The following CPXM2 variants were observed in gnomAD, a reference collection of about 807,000 sequenced individuals.
CPXM2 encodes the protein carboxypeptidase X, M14 family member 2, also known as inactive carboxypeptidase-like protein X2.
Under a neutral mutation model 86.1 loss-of-function variants are expected in CPXM2, and 66 were observed. That is an observed-to-expected ratio of 0.77 (90% confidence interval 0.63 to 0.94). CPXM2 has a LOEUF of 0.94. CPXM2 is among the 40% of genes least tolerant of loss of function. The pLI, the probability that CPXM2 is intolerant of heterozygous loss-of-function variation, is 0.00. For missense variants in CPXM2, 948 were observed against 1,026.3 expected, an observed-to-expected ratio of 0.92 and a Z score of 1.04; for synonymous variants, 388 against 400.2, an observed-to-expected ratio of 0.97 and a Z score of 0.36.
At chr10:123,751,001 T>C (rs1846061503) in intron 13 of CPXM2, 1 of 985,466 alleles carries the variant, frequency 1.0e-6, no homozygotes, top group Non-Finnish European at 1.2e-6. Flanking sequence ...CTCAGGTCTG[T>C]GTTCAGGGTG....
At chr10:123,904,112 GTTAT>G (rs1409726419) in intron 2 of CPXM2, among the ~76,000 whole-genome samples, 2 of 152,174 alleles carry the variant, frequency 1.3e-5, no homozygotes, top group African/African-American at 2.4e-5. Flanking sequence ...AACCTTCCCA[GTTAT>G]TTATTACATA....
rs72827467 is a variant in CPXM2 at position 123,848,150 on chromosome 10, G to T, written c.514-5662C>A. 8.7e-3 allele frequency among the ~76,000 whole-genome samples: 1,324 copies of T among 152,258 alleles called. 12 individuals carry two copies. The highest frequency in any genetic ancestry group is 0.044 in the Middle Eastern group (13 of 294). On this transcript the variant is annotated intron_variant, in intron 3 of 13. Transcript: ENST00000241305. ...CAAGTTAATGCCTTTTCAGGGGGAGGTTATCTAAAAAACGTTAGCTGTGAC... is the reference window on the plus strand; with the variant it reads ...CAAGTTAATGCCTTTTCAGGGGGAGTTTATCTAAAAAACGTTAGCTGTGAC...
chr10:123,768,451 C>G (rs1846543682), intron 9 of CPXM2, 75 bp downstream of exon 9: 1 of 1,183,880 alleles, frequency 8.4e-7, no homozygotes, highest in Admixed American at 2.3e-5. Flanking sequence ...TTGCATAGCC[C>G]TAGGGCCAGA....
chr10:123,747,034 C>T lies in CPXM2; in HGVS notation c.2018-17G>A. On this transcript the variant is annotated splice_polypyrimidine_tract_variant and intron_variant, in intron 13 of 13. Transcript: ENST00000241305. ...CATCGTTGGCTGTGAAAAAGAAAAC[C>T]AGGGGAGACTCAGAGCAGCTCTTGC... 6.2e-7 allele frequency: 1 copy of T among 1,612,850 alleles called. No homozygotes were observed. Among genetic ancestry groups the T allele is most frequent in the Non-Finnish European group, 8.5e-7 (1 of 1,179,336 alleles).
At chr10:123,883,809 T>A (rs1228601014) in intron 1 of CPXM2, among the ~76,000 whole-genome samples, 1 of 152,108 alleles carries the variant, frequency 6.6e-6, no homozygotes, top group Non-Finnish European at 1.5e-5. Context: ...AGGCCCCCCC[T>A]TCATAGCCCC....
chr10:123,790,447 G>C (rs1046666464), intron 6 of CPXM2, among the ~76,000 whole-genome samples: 2 of 152,210 alleles, frequency 1.3e-5, no homozygotes, highest in Non-Finnish European at 2.9e-5. Flanking sequence ...TCGTGGAAAA[G>C]GTTGTTTACC....
At position 123,757,363 on chromosome 10, in the gene CPXM2, A is replaced by T. The variant is rs773069382; in HGVS notation, c.1778-11T>A. On this transcript the variant is annotated splice_polypyrimidine_tract_variant and intron_variant, in intron 11 of 13. Coordinates refer to ENST00000241305, the MANE Select transcript of CPXM2 (RefSeq NM_198148.3). ...TGAAATCGTTCAGACCTGCCAAGCC[A>T]ACCGGACAACACTTTAACTGAACAA... The T allele has an allele frequency of 4.3e-6, 7 of 1,610,904 alleles. No homozygotes were observed. The highest frequency in any genetic ancestry group is 5.9e-6 in the Non-Finnish European group (7 of 1,177,418).
At chr10:123,796,722 T>C (rs1847342801) in intron 6 of CPXM2, among the ~76,000 whole-genome samples, 1 of 152,220 alleles carries the variant, frequency 6.6e-6, no homozygotes. Context: ...TCAGAGCTGG[T>C]ACCCTGCCCC....
chr10:123,801,200 T>C (rs1433235698), intron 4 of CPXM2, among the ~76,000 whole-genome samples: 1 of 152,212 alleles, frequency 6.6e-6, no homozygotes, highest in East Asian at 1.9e-4. Context: ...GGGCAGGTTC[T>C]TCCCATCTCA....
intron 4 of CPXM2, among the ~76,000 whole-genome samples, chr10:123,801,169 T>C (rs1468658144): frequency 6.6e-5 from 10 of 152,182 alleles, no homozygotes; most frequent in Middle Eastern, 3.2e-3. Context: ...GGGGACCCAG[T>C]GGGAGGTAAT....
chr10:123,798,535 C>G (rs1475452394), intron 5 of CPXM2, among the ~76,000 whole-genome samples: 1 of 152,026 alleles, frequency 6.6e-6, no homozygotes, highest in Non-Finnish European at 1.5e-5. Flanking sequence ...AGTGCAGAAG[C>G]CTAAATATTG....
chr10:123,765,051 T>G (rs1351198527), intron 10 of CPXM2, among the ~76,000 whole-genome samples: 7 of 152,206 alleles, frequency 4.6e-5, no homozygotes, highest in African/African-American at 1.7e-4. Flanking sequence ...TTCATTAATC[T>G]TATTACAACC....
chr10:123,853,509 C>T (rs916163919), intron 3 of CPXM2, among the ~76,000 whole-genome samples: 41 of 152,286 alleles, frequency 2.7e-4, no homozygotes, highest in African/African-American at 8.9e-4. Flanking sequence ...TGTTTTTGCT[C>T]AGCATTGTTT....
At chr10:123,900,095 G>A (rs865815409) in intron 2 of CPXM2, among the ~76,000 whole-genome samples, 67 of 152,200 alleles carry the variant, frequency 4.4e-4, no homozygotes, top group African/African-American at 1.6e-3. Context: ...AGGCTGAAGT[G>A]TAGTGACGTG....
chr10:123,883,065 A>C (rs913330449), intron 1 of CPXM2, among the ~76,000 whole-genome samples: 2 of 151,670 alleles, frequency 1.3e-5, no homozygotes, highest in Admixed American at 6.6e-5. Flanking sequence ...CCACATCACA[A>C]CACCATGGCC....
intron 13 of CPXM2, among the ~76,000 whole-genome samples, chr10:123,753,168 G>A (rs920864605): frequency 6.6e-5 from 10 of 152,102 alleles, no homozygotes; most frequent in Non-Finnish European, 1.5e-4. Flanking sequence ...CAGAGGCGCC[G>A]CAGTGATGAC....
Position 123,761,927 on chromosome 10 carries a change from GTCCTCCGTGTGGCACACCC to G in CPXM2, c.1703_1721del (p.Arg568ThrfsTer21). ...TGACAGTGCCCTCCTCCTTCTGGAA[GTCCTCCGTGTGGCACACCC>G]TCCTCCGGGCGTCTGTCATGAGGCG... is the stretch of plus-strand genomic sequence containing the variant. On this transcript the variant is annotated frameshift_variant, in exon 11 of 14. Coordinates refer to ENST00000241305, the MANE Select transcript of CPXM2 (RefSeq NM_198148.3). LOFTEE classifies it high-confidence loss of function. 6.2e-7 allele frequency: 1 copy of G among 1,613,934 alleles called. No individual in the cohort carries two copies. The highest frequency in any genetic ancestry group is 2.2e-5 in the East Asian group (1 of 44,868).
At chr10:123,835,521 G>A (rs570318570) in intron 4 of CPXM2, among the ~76,000 whole-genome samples, 16 of 152,198 alleles carry the variant, frequency 1.1e-4, no homozygotes, top group East Asian at 3.9e-4. Context: ...TCATTAAAAC[G>A]CTTCTATTTC....
intron 2 of CPXM2, among the ~76,000 whole-genome samples, chr10:123,897,353 G>T (rs576857170): frequency 1.8e-4 from 28 of 152,274 alleles, no homozygotes; most frequent in African/African-American, 6.0e-4. Context: ...GGGGAGAATA[G>T]CTCCCCCTAT....
Sources: gnomAD v4.1 joint callset for allele counts (sites outside exome capture counted in the v4.1 genomes callset) on GRCh38, gnomAD v4.1.1 for gene constraint, MANE v1.5 for transcripts, NCBI Gene and HGNC (gene_info 2026-07-23, HGNC 2026-07-21) for gene names.